The following PDGFD variants were observed in gnomAD, a reference collection of about 807,000 sequenced individuals.
The protein encoded by PDGFD is platelet derived growth factor D.
PDGFD carries 30 observed loss-of-function variants against 44.7 expected under a neutral mutation model. The ratio of observed to expected loss-of-function variants is 0.67; its 90% confidence interval spans 0.50 to 0.91. The LOEUF is 0.91. PDGFD is among the 40% of genes least tolerant of loss of function. The probability of loss-of-function intolerance (pLI) is 0.00; values close to 1 mark genes in which losing one functional copy is unlikely to be tolerated. For synonymous variants in PDGFD, 173 were observed against 168.4 expected, an observed-to-expected ratio of 1.03 and a Z score of -0.21; for missense variants, 445 against 457.8, an observed-to-expected ratio of 0.97 and a Z score of 0.25.
chr11:103,961,446 T>C (rs901851653), intron 3 of PDGFD, among the ~76,000 whole-genome samples: 5 of 152,094 alleles, frequency 3.3e-5, no homozygotes, highest in African/African-American at 9.7e-5. Context: ...GGCCTTGGAA[T>C]TGACTTTTGT....
At chr11:104,104,523 T>C (rs1240464121) in intron 1 of PDGFD, among the ~76,000 whole-genome samples, 1 of 152,152 alleles carries the variant, frequency 6.6e-6, no homozygotes, top group Non-Finnish European at 1.5e-5. Flanking sequence ...TATGTTTAGA[T>C]ACACAAATAC....
At chr11:104,005,675 A>C (rs546309381) in intron 1 of PDGFD, among the ~76,000 whole-genome samples, 14 of 152,300 alleles carry the variant, frequency 9.2e-5, no homozygotes, top group Admixed American at 7.8e-4. Context: ...CAACAACCCC[A>C]TGCCATTGGT....
chr11:103,949,305 G>T (rs144127363), intron 3 of PDGFD, among the ~76,000 whole-genome samples: 4 of 152,170 alleles, frequency 2.6e-5, no homozygotes, highest in African/African-American at 9.6e-5. Flanking sequence ...GCCCGGCCTC[G>T]TTATTCTAAT....
intron 1 of PDGFD, among the ~76,000 whole-genome samples, chr11:104,076,514 T>C (rs1329403200): frequency 1.3e-5 from 2 of 152,196 alleles, no homozygotes; most frequent in Admixed American, 6.5e-5. Flanking sequence ...TCAGTTCTAA[T>C]TTATCTTTTA....
At chr11:104,030,105 G>T (rs1276916965) in intron 1 of PDGFD, among the ~76,000 whole-genome samples, 2 of 152,112 alleles carry the variant, frequency 1.3e-5, no homozygotes, top group Non-Finnish European at 2.9e-5. Flanking sequence ...TGTGAATAAG[G>T]TGCATTTGTA....
intron 1 of PDGFD, among the ~76,000 whole-genome samples, chr11:104,009,212 C>G (rs1565309573): frequency 6.6e-6 from 1 of 152,022 alleles, no homozygotes; most frequent in East Asian, 1.9e-4. Context: ...CCCTACCATA[C>G]TTTAAGAAGT....
At chr11:103,948,833 C>T (rs1489027293) in intron 3 of PDGFD, among the ~76,000 whole-genome samples, 2 of 151,850 alleles carry the variant, frequency 1.3e-5, no homozygotes, top group Non-Finnish European at 2.9e-5. Flanking sequence ...CAGCTGATTA[C>T]TGAGAGAGAA....
intron 1 of PDGFD, among the ~76,000 whole-genome samples, chr11:104,043,629 C>T (rs1170388143): frequency 6.6e-6 from 1 of 152,142 alleles, no homozygotes; most frequent in Non-Finnish European, 1.5e-5. Context: ...TTATTTGGCT[C>T]ATGGTTCTGC....
intron 1 of PDGFD, among the ~76,000 whole-genome samples, chr11:104,118,813 T>C (rs1381798267): frequency 2.1e-5 from 1 of 48,236 alleles, no homozygotes; most frequent in Non-Finnish European, 4.3e-5. Context: ...ATATATAATA[T>C]ATTATATATT....
At chr11:104,012,270 T>C (rs946457937) in intron 1 of PDGFD, among the ~76,000 whole-genome samples, 8 of 152,134 alleles carry the variant, frequency 5.3e-5, no homozygotes, top group Non-Finnish European at 1.0e-4. Flanking sequence ...TAACACACAC[T>C]GGTTCTGAAA....
intron 3 of PDGFD, among the ~76,000 whole-genome samples, chr11:103,968,132 A>G (rs1859048794): frequency 6.6e-6 from 1 of 152,084 alleles, no homozygotes; most frequent in Non-Finnish European, 1.5e-5. Context: ...CTTCTGTAAT[A>G]TTATGCTCTG....
intron 1 of PDGFD, among the ~76,000 whole-genome samples, chr11:104,127,016 C>T (rs140293460): frequency 5.9e-5 from 9 of 152,206 alleles, no homozygotes; most frequent in African/African-American, 2.2e-4. Context: ...TTCAGGGATA[C>T]AAGGCCCTCT....
chr11:103,961,699 T>C (rs901791713), intron 3 of PDGFD, among the ~76,000 whole-genome samples: 1 of 152,138 alleles, frequency 6.6e-6, no homozygotes, highest in Non-Finnish European at 1.5e-5. Flanking sequence ...ATTTATGGCT[T>C]CCACTACTAC....
At chr11:103,911,433 A>G (rs1858027157) in intron 6 of PDGFD, among the ~76,000 whole-genome samples, 1 of 152,226 alleles carries the variant, frequency 6.6e-6, no homozygotes, top group African/African-American at 2.4e-5. Flanking sequence ...TAGTATCAAC[A>G]TTAACAAAAA....
intron 3 of PDGFD, among the ~76,000 whole-genome samples, chr11:103,948,792 A>T (rs1418057797): frequency 1.3e-5 from 2 of 152,096 alleles, no homozygotes; most frequent in Admixed American, 6.5e-5. Flanking sequence ...AGGCTGGTTT[A>T]TATATAAATT....
At chr11:103,972,995 AG>A (rs1487060458) in intron 3 of PDGFD, among the ~76,000 whole-genome samples, 2 of 152,348 alleles carry the variant, frequency 1.3e-5, no homozygotes, top group East Asian at 3.9e-4. Flanking sequence ...GAACTTCACC[AG>A]GGTCTAACAA....
intron 3 of PDGFD, among the ~76,000 whole-genome samples, chr11:103,954,727 A>G (rs1565293989): frequency 6.6e-6 from 1 of 152,200 alleles, no homozygotes; most frequent in Non-Finnish European, 1.5e-5. Context: ...AAATAAAGAA[A>G]TCCCTCTCCT....
chr11:103,978,746 TACTA>T (rs1859219068), intron 3 of PDGFD, among the ~76,000 whole-genome samples: 2 of 152,154 alleles, frequency 1.3e-5, no homozygotes, highest in African/African-American at 4.8e-5. Context: ...TAGAAAGATA[TACTA>T]ACTGTCTTGT....
intron 1 of PDGFD, among the ~76,000 whole-genome samples, chr11:104,134,371 A>G (rs776349054): frequency 6.6e-6 from 1 of 152,210 alleles, no homozygotes; most frequent in African/African-American, 2.4e-5. Flanking sequence ...TAAGTATACT[A>G]TTAAAGGAAA....
Sources: gnomAD v4.1 joint callset for allele counts (sites outside exome capture counted in the v4.1 genomes callset) on GRCh38, gnomAD v4.1.1 for gene constraint, MANE v1.5 for transcripts, NCBI Gene and HGNC (gene_info 2026-07-23, HGNC 2026-07-21) for gene names.